PRRG2: variants seen among roughly 807,000 people sequenced by gnomAD.
PRRG2 encodes the protein transmembrane gamma-carboxyglutamic acid protein 2.
A neutral mutation model predicts 27.1 loss-of-function variants in PRRG2; 23 were observed. The ratio of observed to expected loss-of-function variants is 0.85; its 90% CI spans 0.61 to 1.20. The LOEUF is 1.20. Among genes scored for constraint, PRRG2 ranks in the 50% most tolerant of loss-of-function variants. PRRG2 has a pLI of 0.00. For missense variants in PRRG2, 276 were observed against 254.8 expected (o/e 1.08, Z -0.57); for synonymous variants, 104 against 103.4 (o/e 1.01, Z -0.03).
chr19:49,590,328 A>G, intron 6 of PRRG2, 43 bp from the exon 7 acceptor site: 1 of 1,613,932 alleles, frequency 6.2e-7, no homozygotes, highest in Non-Finnish European at 8.5e-7. Flanking sequence ...GGGGAGAAAA[A>G]CAGCCAGATC....
At chr19:49,581,147 C>T (rs1041702151), upstream of PRRG2, among the ~76,000 whole-genome samples, 2 of 152,100 alleles carry the variant, frequency 1.3e-5, no homozygotes, top group Admixed American at 6.5e-5. Flanking sequence ...AGAGCCAGAG[C>T]GGGTAGGGGT....
intron 3 of PRRG2, 46 bp downstream of exon 3, chr19:49,583,763 A>G (rs1046481531): frequency 1.2e-5 from 20 of 1,612,156 alleles, no homozygotes; most frequent in Admixed American, 1.7e-5. Flanking sequence ...TCTCTTCTCT[A>G]TACCTGTGGG....
intron 4 of PRRG2, among the ~76,000 whole-genome samples, 168 bp from the exon 5 acceptor site, chr19:49,588,329 G>C (rs1257515526): frequency 6.6e-6 from 1 of 152,180 alleles, no homozygotes; most frequent in Admixed American, 6.5e-5. Flanking sequence ...TGGCAGTGGA[G>C]GGTCAGAGAA....
intron 4 of PRRG2, among the ~76,000 whole-genome samples, chr19:49,587,071 C>T (rs2080675890): frequency 6.6e-6 from 1 of 151,936 alleles, no homozygotes; most frequent in East Asian, 1.9e-4. Context: ...GTGGGAGGAT[C>T]GCCTGAACCC....
At chr19:49,582,239 TAAA>T (rs760309836) in intron 1 of PRRG2, among the ~76,000 whole-genome samples, 62 of 74,810 alleles carry the variant, frequency 8.3e-4, no homozygotes, top group Non-Finnish European at 1.2e-3. Context: ...AGACTCTGTC[TAAA>T]AAAAAAAAAA....
chr19:49,586,776 G>A (rs2080673538), intron 4 of PRRG2, among the ~76,000 whole-genome samples: 1 of 152,098 alleles, frequency 6.6e-6, no homozygotes, highest in Non-Finnish European at 1.5e-5. Context: ...GCTTGAACCT[G>A]GGAGGCGGAG....
chr19:49,589,684 C>T (rs1298463970), intron 5 of PRRG2, among the ~76,000 whole-genome samples: 2 of 151,862 alleles, frequency 1.3e-5, no homozygotes, highest in Non-Finnish European at 2.9e-5. Flanking sequence ...TTGCTGATTT[C>T]TGTGTCTACC....
intron 1 of PRRG2, among the ~76,000 whole-genome samples, chr19:49,582,873 A>G (rs2080638332): frequency 6.6e-6 from 1 of 151,894 alleles, no homozygotes; most frequent in Non-Finnish European, 1.5e-5. Flanking sequence ...GTCTCAAAAA[A>G]AAAAGAAAAT....
At chr19:49,587,327 T>C (rs1475650658) in intron 4 of PRRG2, among the ~76,000 whole-genome samples, 1 of 71,300 alleles carries the variant, frequency 1.4e-5, no homozygotes, top group Non-Finnish European at 2.6e-5. Flanking sequence ...TGACATCCTT[T>C]TTTTTTTTTT....
At chr19:49,590,089 G>A (rs949382514) in intron 6 of PRRG2, 37 bp downstream of exon 6, 2 of 1,465,958 alleles carry the variant, frequency 1.4e-6, no homozygotes, top group Non-Finnish European at 1.8e-6. Flanking sequence ...GCGGGGCGCA[G>A]AGGGGTGGGC....
At chr19:49,583,517 C>A in intron 2 of PRRG2, 25 bp from the exon 3 acceptor site, 1 of 1,611,054 alleles carries the variant, frequency 6.2e-7, no homozygotes, top group Non-Finnish European at 8.5e-7. Flanking sequence ...CTCCATTTTT[C>A]TGTCCCTCAT....
rs563065935 is a variant in PRRG2 at position 49,587,951 on chromosome 19, G to T, written c.302-546G>T. Reference sequence around the variant, plus strand: ...AGTTTTGTTTTTTTGGTTTTTGTTTGTTTGTTTGTTTTGTTTTTTTTTATT... The same window carrying T: ...AGTTTTGTTTTTTTGGTTTTTGTTTTTTTGTTTGTTTTGTTTTTTTTTATT... On this transcript the variant is annotated intron_variant, in intron 4 of 6. Coordinates refer to ENST00000246794, the MANE Select transcript of PRRG2 (RefSeq NM_000951.3). 2.4e-3 allele frequency among the ~76,000 whole-genome samples: 313 copies of T among 132,646 alleles called. 2 individuals carry two copies. The highest frequency in any genetic ancestry group is 0.01 in the African/African-American group (287 of 27,420). 87.0% of individuals were successfully genotyped at this position (132,646 alleles called of 152,430 possible). A position where few individuals can be genotyped will look rare whatever the true frequency, so the allele number is the denominator to read the frequency against.
intron 4 of PRRG2, 35 bp from the exon 5 acceptor site, chr19:49,588,462 C>A: frequency 6.4e-7 from 1 of 1,568,384 alleles, no homozygotes; most frequent in East Asian, 2.3e-5. Flanking sequence ...TGGCAGTCCC[C>A]GAGACAGTGT....
intron 2 of PRRG2, 86 bp downstream of exon 2, chr19:49,583,390 G>C (rs778417776): frequency 1.3e-6 from 2 of 1,540,652 alleles, no homozygotes; most frequent in South Asian, 2.3e-5. Flanking sequence ...CCTCTTCCAG[G>C]AGTCCAGGAC....
intron 1 of PRRG2, among the ~76,000 whole-genome samples, chr19:49,582,170 G>A (rs113205442): frequency 0.28 from 41,437 of 147,546 alleles, 7,296 homozygotes; most frequent in African/African-American, 0.5. Flanking sequence ...GAACCCAGGA[G>A]GCAGAGGTCA....
At chr19:49,582,273 G>A (rs2080632236) in intron 1 of PRRG2, among the ~76,000 whole-genome samples, 1 of 138,942 alleles carries the variant, frequency 7.2e-6, no homozygotes, top group Non-Finnish European at 1.5e-5. Flanking sequence ...CCTGTGAAAA[G>A]TTTTGTTTTG....
intron 4 of PRRG2, among the ~76,000 whole-genome samples, chr19:49,585,093 TG>T (rs1202168853): frequency 6.6e-6 from 1 of 152,274 alleles, no homozygotes; most frequent in Admixed American, 6.5e-5. Flanking sequence ...CAACGGGGCC[TG>T]GCCAGGCCAG....
intron 4 of PRRG2, 90 bp from the exon 5 acceptor site, chr19:49,588,407 C>T (rs2080688017): frequency 1.3e-6 from 2 of 1,507,072 alleles, no homozygotes; most frequent in South Asian, 2.5e-5. Context: ...GCTTCCGGGT[C>T]CATTCTCTTC....
intron 4 of PRRG2, among the ~76,000 whole-genome samples, chr19:49,586,475 C>T (rs902928817): frequency 2.6e-5 from 4 of 151,778 alleles, no homozygotes; most frequent in Non-Finnish European, 5.9e-5. Context: ...GCCTTGACCT[C>T]CTTGGGTCAA....
Sources: gnomAD v4.1 joint callset for allele counts (sites outside exome capture counted in the v4.1 genomes callset) on GRCh38, gnomAD v4.1.1 for gene constraint, MANE v1.5 for transcripts, NCBI Gene and HGNC (gene_info 2026-07-23, HGNC 2026-07-21) for gene names.